STX7: variants seen among roughly 807,000 people sequenced by gnomAD.
STX7 encodes the protein syntaxin 7.
In STX7, 34 loss-of-function variants were observed where a neutral mutation model predicts 39.6. The ratio of observed to expected loss-of-function variants is 0.86; its 90% CI spans 0.65 to 1.14. The LOEUF (loss-of-function observed/expected upper bound fraction) is 1.14, where lower values mean the gene tolerates loss of function less well. Ranked by LOEUF, STX7 falls within the 50% of genes most tolerant of loss-of-function variation. The probability of loss-of-function intolerance (pLI) is 0.00; values close to 1 mark genes in which losing one functional copy is unlikely to be tolerated. For synonymous variants in STX7, 119 were observed against 99.1 expected (o/e 1.20, Z -1.19); for missense variants, 284 against 310.4 (o/e 0.92, Z 0.64).
At chr6:132,460,909 C>T in intron 9 of STX7, 59 bp from the exon 10 acceptor site, 1 of 1,399,690 alleles carries the variant, frequency 7.1e-7, no homozygotes. Context: ...TAGTGGAGTA[C>T]CTCTACAGCA....
chr6:132,480,856 A>G (rs1774999117), intron 2 of STX7, among the ~76,000 whole-genome samples: 1 of 152,208 alleles, frequency 6.6e-6, no homozygotes, highest in Non-Finnish European at 1.5e-5. Context: ...ACCTGCCAGT[A>G]TTCTTTTTCT....
chr6:132,468,317 G>T, intron 8 of STX7, 86 bp downstream of exon 8: 1 of 1,003,528 alleles, frequency 1.0e-6, no homozygotes. Context: ...GGGACAGAAA[G>T]TGGTTACTCT....
Position 132,460,965 on chromosome 6 carries a change from A to G in STX7, c.694-115T>C, listed in dbSNP as rs373782667. 3.9e-6 allele frequency: 3 copies of G among 761,962 alleles called. No homozygotes were observed. In the South Asian group the frequency reaches 6.1e-5, roughly 15 times the overall value. The allele number at this position is 761,962 out of a possible 1,614,324, so 47.2% of individuals were successfully genotyped here. A position where few individuals can be genotyped will look rare whatever the true frequency, so the allele number is the denominator to read the frequency against. ...TTTCTAGAGTAAAATCAGTAGTAGT[A>G]TATTGCCCTCAAATTTTTGACTGTG... On this transcript the variant is annotated intron_variant, in intron 9 of 9. Transcript: ENST00000367941.
intron 1 of STX7, among the ~76,000 whole-genome samples, chr6:132,508,775 G>C (rs1304023555): frequency 6.6e-6 from 1 of 152,132 alleles, no homozygotes; most frequent in African/African-American, 2.4e-5. Flanking sequence ...GCCTCCCAAA[G>C]TGCTGGGATT....
chr6:132,461,311 T>C (rs1178880792), intron 9 of STX7, among the ~76,000 whole-genome samples: 1 of 151,638 alleles, frequency 6.6e-6, no homozygotes, highest in African/African-American at 2.4e-5. Flanking sequence ...ATATATTTCT[T>C]TTCTTTTTTT....
intron 1 of STX7, among the ~76,000 whole-genome samples, chr6:132,510,218 A>G (rs967936980): frequency 5.9e-5 from 9 of 152,252 alleles, no homozygotes; most frequent in African/African-American, 1.9e-4. Context: ...TCAAATACTT[A>G]GAAGAAAGAA....
Position 132,457,956 on chromosome 6 carries a change from C to A in STX7, c.*2802G>T, listed in dbSNP as rs1334597197. On this transcript the variant is annotated 3_prime_UTR_variant, in exon 10 of 10. Coordinates refer to ENST00000367941, the MANE Select transcript of STX7 (RefSeq NM_003569.3). ...AAGTTTTATATTTTATTATGACATTCATTTTTTCTACATGAAGACACAAAT... is the reference window on the plus strand; with the variant it reads ...AAGTTTTATATTTTATTATGACATTAATTTTTTCTACATGAAGACACAAAT... 6.6e-6 allele frequency: 1 copy of A among 152,152 alleles called. No individual in the cohort carries two copies. Among genetic ancestry groups the A allele is most frequent in the Admixed American group, 6.5e-5 (1 of 15,278 alleles). The allele number at this position is 152,152 out of a possible 1,614,324, so 9.4% of individuals were successfully genotyped here.
At position 132,457,605 on chromosome 6, in the gene STX7, T is replaced by C. The variant is rs1291134796; in HGVS notation, c.*3153A>G. The stretch of plus-strand genomic sequence containing the variant: ...GACAAGTCAAACTGTTCAAATGTTA[T>C]GGAGGACTAAAAAGGCCTGGGATTC... On this transcript the variant is annotated 3_prime_UTR_variant, in exon 10 of 10. Transcript: ENST00000367941. 1.3e-5 allele frequency: 2 copies of C among 152,220 alleles called. No individual in the cohort carries two copies. Among genetic ancestry groups the C allele is most frequent in the African/African-American group, 2.4e-5 (1 of 41,458 alleles). 9.4% of individuals were successfully genotyped at this position (152,220 alleles called of 1,614,324 possible).
rs1420557334 is a variant in STX7, at chr6:132,457,383, A to G, written c.*3375T>C. ...AATCGTGCATGTCTGGCAACCAGGT[A>G]ATTTCTTTCCTATCTTTCATGTCAC... On this transcript the variant is annotated 3_prime_UTR_variant, in exon 10 of 10. Transcript: ENST00000367941. 1.3e-5 allele frequency: 2 copies of G among 152,192 alleles called. No individual in the cohort carries two copies. The highest frequency in any genetic ancestry group is 2.4e-5 in the African/African-American group (1 of 41,450). The allele number at this position is 152,192 out of a possible 1,614,324, so 9.4% of individuals were successfully genotyped here.
intron 1 of STX7, among the ~76,000 whole-genome samples, chr6:132,507,067 G>GC (rs1775721455): frequency 6.6e-6 from 1 of 152,186 alleles, no homozygotes; most frequent in Non-Finnish European, 1.5e-5. Flanking sequence ...GTCAAATGCT[G>GC]CATGTTCTCA....
At chr6:132,511,801 CAG>C (rs1775852105) in intron 1 of STX7, among the ~76,000 whole-genome samples, 1 of 152,158 alleles carries the variant, frequency 6.6e-6, no homozygotes, top group Admixed American at 6.5e-5. Flanking sequence ...AAACTTCACT[CAG>C]ACTTACTGTG....
At chr6:132,475,125 A>ATT (rs200801252) in intron 3 of STX7, among the ~76,000 whole-genome samples, 1 of 144,454 alleles carries the variant, frequency 6.9e-6, no homozygotes, top group Non-Finnish European at 1.5e-5. Flanking sequence ...CTATCAAGGA[A>ATT]TTTTTTTTTT....
At chr6:132,499,699 T>C (rs1013724035) in intron 2 of STX7, among the ~76,000 whole-genome samples, 13 of 152,218 alleles carry the variant, frequency 8.5e-5, no homozygotes, top group African/African-American at 3.1e-4. Flanking sequence ...CATTTTTTAA[T>C]GTTCCAGGCC....
intron 2 of STX7, among the ~76,000 whole-genome samples, chr6:132,496,109 A>C (rs1043423379): frequency 6.6e-6 from 1 of 152,154 alleles, no homozygotes; most frequent in African/African-American, 2.4e-5. Flanking sequence ...TGGAAAAAAC[A>C]CACATCCACA....
intron 1 of STX7, among the ~76,000 whole-genome samples, chr6:132,505,514 C>A (rs762644572): frequency 6.6e-6 from 1 of 152,026 alleles, no homozygotes; most frequent in Non-Finnish European, 1.5e-5. Context: ...CTGGGTCTCA[C>A]CAAATCCTAG....
intron 7 of STX7, among the ~76,000 whole-genome samples, chr6:132,468,932 T>A (rs975416808): frequency 1.3e-5 from 2 of 152,210 alleles, no homozygotes; most frequent in African/African-American, 4.8e-5. Flanking sequence ...AAGTCTCACA[T>A]TAATAATTTG....
At chr6:132,475,714 G>A in intron 2 of STX7, 52 bp from the exon 3 acceptor site, 1 of 1,336,796 alleles carries the variant, frequency 7.5e-7, no homozygotes, top group Non-Finnish European at 1.0e-6. Flanking sequence ...TAAGGTAACA[G>A]AAAGAGTTAA....
chr6:132,464,315 C>T (rs1010982772), intron 8 of STX7, among the ~76,000 whole-genome samples: 7 of 152,202 alleles, frequency 4.6e-5, no homozygotes, highest in African/African-American at 1.4e-4. Context: ...TAATCATCTT[C>T]ATTACAGAGC....
chr6:132,512,779 G>A (rs933785850), intron 1 of STX7, among the ~76,000 whole-genome samples: 10 of 152,114 alleles, frequency 6.6e-5, no homozygotes, highest in East Asian at 3.9e-4. Context: ...GCGCGCACCC[G>A]GAATGCGGAA....
Sources: gnomAD v4.1 joint callset for allele counts (sites outside exome capture counted in the v4.1 genomes callset) on GRCh38, gnomAD v4.1.1 for gene constraint, MANE v1.5 for transcripts, NCBI Gene and HGNC (gene_info 2026-07-23, HGNC 2026-07-21) for gene names.